ADD1: variants seen among roughly 807,000 people sequenced by gnomAD.
ADD1 encodes the protein alpha-adducin.
A neutral mutation model predicts 80.5 loss-of-function variants in ADD1; 24 were observed. The observed-to-expected ratio is 0.30, with a 90% confidence interval of 0.22 to 0.42. The LOEUF is 0.42. Ranked by LOEUF, ADD1 falls within the 10% of genes least tolerant of loss-of-function variation. ADD1 has a pLI of 1.00. For synonymous variants in ADD1, 373 were observed against 393.8 expected (o/e 0.95, Z 0.63); for missense variants, 948 against 1,019.0 (o/e 0.93, Z 0.95).
intron 14 of ADD1, among the ~76,000 whole-genome samples, chr4:2,915,780 T>C (rs1738908926): frequency 6.6e-6 from 1 of 152,134 alleles, no homozygotes; most frequent in African/African-American, 2.4e-5. Flanking sequence ...GCCGAGATCG[T>C]GCCATTGCAC....
chr4:2,917,430 G>A (rs1259698046), intron 14 of ADD1, among the ~76,000 whole-genome samples: 2 of 152,112 alleles, frequency 1.3e-5, no homozygotes, highest in Non-Finnish European at 2.9e-5. Flanking sequence ...GTGGATATGA[G>A]CCCTTTGTCA....
At chr4:2,869,586 A>G (rs1019513120) in intron 1 of ADD1, among the ~76,000 whole-genome samples, 2 of 152,112 alleles carry the variant, frequency 1.3e-5, no homozygotes, top group African/African-American at 2.4e-5. Flanking sequence ...CCAACTCATA[A>G]TATCCTCTCT....
At position 2,907,785 on chromosome 4, in the gene ADD1, C is replaced by T. The variant is rs774755781; in HGVS notation, c.1549C>T (p.Pro517Ser). ...DGHRTSTSAVPNLFVPLNTNP... is the reference protein window; with the variant it reads ...DGHRTSTSAVSNLFVPLNTNP... ...ACATAGAACTTCCACCTCTGCTGTC[C>T]CTAACCTGTTTGTTCCATTGAACAC... Residue 517 changes from proline to serine, a missense_variant, in exon 11 of 16, where the codon CCT (proline) becomes TCT (serine). Coordinates refer to ENST00000683351, the MANE Select transcript of ADD1 (RefSeq NM_001354761.2). 6.2e-7 allele frequency: 1 copy of T among 1,614,062 alleles called. No homozygotes were observed. Among genetic ancestry groups the T allele is most frequent in the Non-Finnish European group, 8.5e-7 (1 of 1,180,016 alleles).
chr4:2,882,940 A>C (rs186321899), intron 3 of ADD1, among the ~76,000 whole-genome samples: 53 of 152,254 alleles, frequency 3.5e-4, no homozygotes, highest in African/African-American at 1.2e-3. Context: ...AGCTCCCTGC[A>C]AACTACCACC....
chr4:2,852,696 CTTTTT>C (rs1312991635), intron 1 of ADD1, among the ~76,000 whole-genome samples: 3 of 118,734 alleles, frequency 2.5e-5, no homozygotes, highest in Non-Finnish European at 1.8e-5. Flanking sequence ...CAGGAAATAT[CTTTTT>C]TTTTTTTTTT....
At chr4:2,868,490 C>T (rs1317794534) in intron 1 of ADD1, among the ~76,000 whole-genome samples, 4 of 152,210 alleles carry the variant, frequency 2.6e-5, no homozygotes, top group African/African-American at 7.2e-5. Context: ...TCTCCACCTT[C>T]TGTTTCACTG....
At chr4:2,917,188 C>G (rs1290076609) in intron 14 of ADD1, among the ~76,000 whole-genome samples, 1 of 152,246 alleles carries the variant, frequency 6.6e-6, no homozygotes, top group Non-Finnish European at 1.5e-5. Flanking sequence ...ACATCCTCTC[C>G]AGCTTCTGTT....
intron 1 of ADD1, among the ~76,000 whole-genome samples, chr4:2,874,604 CAAAAAAAAA>C (rs576430508): frequency 1.0e-5 from 1 of 98,012 alleles, no homozygotes; most frequent in Non-Finnish European, 2.0e-5. Context: ...GAGACTGTCT[CAAAAAAAAA>C]AAAAAAGAAA....
chr4:2,921,987 A>T (rs1422154050), intron 14 of ADD1, among the ~76,000 whole-genome samples: 1 of 151,500 alleles, frequency 6.6e-6, no homozygotes, highest in Non-Finnish European at 1.5e-5. Flanking sequence ...GCTCCATCAG[A>T]TCATTTATGT....
intron 14 of ADD1, among the ~76,000 whole-genome samples, chr4:2,923,931 C>G (rs1227374078): frequency 6.6e-6 from 1 of 152,254 alleles, no homozygotes; most frequent in East Asian, 1.9e-4. Context: ...CAGCCCCGGC[C>G]TCTGTGCAGG....
intron 1 of ADD1, among the ~76,000 whole-genome samples, chr4:2,862,463 G>A (rs190228205): frequency 3.5e-4 from 53 of 152,308 alleles, no homozygotes; most frequent in African/African-American, 1.2e-3. Context: ...AAAGAAAGGA[G>A]ATGATAAACA....
intron 13 of ADD1, among the ~76,000 whole-genome samples, chr4:2,912,631 A>G (rs991993552): frequency 4.6e-5 from 7 of 152,130 alleles, no homozygotes; most frequent in African/African-American, 1.7e-4. Flanking sequence ...GGCCAAAAGA[A>G]TCCTCCCACC....
intron 4 of ADD1, among the ~76,000 whole-genome samples, chr4:2,891,716 G>A (rs975782428): frequency 6.6e-6 from 1 of 152,132 alleles, no homozygotes; most frequent in Non-Finnish European, 1.5e-5. Flanking sequence ...AGGAGCTCAG[G>A]GTGCCCAGAA....
chr4:2,883,923 G>A (rs773618310), intron 3 of ADD1, among the ~76,000 whole-genome samples: 1 of 152,070 alleles, frequency 6.6e-6, no homozygotes, highest in Non-Finnish European at 1.5e-5. Context: ...CTCCCGCCTC[G>A]GCCTCCCAAA....
intron 9 of ADD1, among the ~76,000 whole-genome samples, chr4:2,904,509 C>T (rs1435179841): frequency 3.3e-5 from 5 of 152,176 alleles, no homozygotes; most frequent in Non-Finnish European, 5.9e-5. Context: ...CTAGACTATC[C>T]ATCTCCTATA....
chr4:2,901,849 T>TTCC (rs1553845578), intron 9 of ADD1: 1 of 144,642 alleles, frequency 6.9e-6, no homozygotes, highest in African/African-American at 2.6e-5. Flanking sequence ...TGCTAAATTG[T>TTCC]CCCCCCCCCA....
intron 5 of ADD1, among the ~76,000 whole-genome samples, 199 bp from the exon 6 acceptor site, chr4:2,894,383 C>T (rs763544548): frequency 6.6e-6 from 1 of 151,632 alleles, no homozygotes; most frequent in Non-Finnish European, 1.5e-5. Flanking sequence ...ATGGCGGTAC[C>T]CCAACTCTAC....
At chr4:2,879,127 A>G (rs1195909327) in intron 2 of ADD1, among the ~76,000 whole-genome samples, 1 of 152,150 alleles carries the variant, frequency 6.6e-6, no homozygotes. Flanking sequence ...GAGGGTATGG[A>G]TGTTGAACCA....
intron 15 of ADD1, among the ~76,000 whole-genome samples, chr4:2,927,738 T>C (rs190844597): frequency 6.6e-6 from 1 of 152,236 alleles, no homozygotes; most frequent in African/African-American, 2.4e-5. Context: ...CTACTGGCTG[T>C]TTTGGGGGAG....
Sources: gnomAD v4.1 joint callset for allele counts (sites outside exome capture counted in the v4.1 genomes callset) on GRCh38, gnomAD v4.1.1 for gene constraint, MANE v1.5 for transcripts, NCBI Gene and HGNC (gene_info 2026-07-23, HGNC 2026-07-21) for gene names.